Variants in SI observed in about 807,000 individuals in gnomAD.
SI encodes sucrase-isomaltase, also known as sucrase-isomaltase, intestinal.
Under a neutral mutation model 253.3 loss-of-function variants are expected in SI, and 235 were observed. The observed-to-expected ratio is 0.93, with a 90% CI of 0.83 to 1.03. The LOEUF (loss-of-function observed/expected upper bound fraction) is 1.03. SI is among the 50% of genes least tolerant of loss of function. The pLI is 0.00. For synonymous variants in SI, 819 were observed against 712.0 expected, an observed-to-expected ratio of 1.15 and a Z score of -2.39; for missense variants, 2,442 against 2,211.1, an observed-to-expected ratio of 1.10 and a Z score of -2.09.
At position 164,982,932 on chromosome 3, in the gene SI, T is replaced by G. The variant is rs1007964389; in HGVS notation, c.5247+70A>C. On this transcript the variant is annotated intron_variant, in intron 46 of 47. Transcript: ENST00000264382. The stretch of plus-strand genomic sequence containing the variant: ...TCCCAATGAACTAGGATTACAGGCA[T>G]GAGCCACCCCACCCAGCTGTGAACT... 3.5e-5 allele frequency: 51 copies of G among 1,454,780 alleles called. No homozygotes were observed. The Admixed American group carries it at 4.5e-4, about 13-fold the overall frequency. The allele number at this position is 1,454,780 out of a possible 1,614,324, so 90.1% of individuals were successfully genotyped here.
At position 165,067,468 on chromosome 3, in the gene SI, T is replaced by A. The variant is rs377165751; in HGVS notation, c.507A>T (p.Arg169Ser). The change falls in exon 6 of 48, where the codon AGA (arginine) becomes AGT (serine). Residue 169 changes from arginine (R) to serine (S), a missense_variant. Physicochemically the swap from Arg to Ser is moderately radical, Grantham distance 110. Transcript: ENST00000264382. ...RFKITDPNNR[R>S]YEVPHQYVKE... ...TTACATACTGATGAGGAACTTCATA[T>A]CTTCTATTATTTGGATCAGTAATCT... is the stretch of plus-strand genomic sequence containing the variant. The A allele has an allele frequency of 1.2e-6, 2 of 1,610,200 alleles. No homozygotes were observed. The highest frequency in any genetic ancestry group is 2.7e-5 in the African/African-American group (2 of 74,806).
In SI at chr3:165,006,210, G is replaced by A. The variant is rs978296317; in HGVS notation, c.4406+606C>T. ...TGCAACCTCTGCCGCCCAGGTCCAA[G>A]CGATTCTTGTGCCTCAGCCTCCCGA... is the stretch of plus-strand genomic sequence containing the variant. On this transcript the variant is annotated intron_variant, in intron 37 of 47. Coordinates refer to ENST00000264382, the MANE Select transcript of SI (RefSeq NM_001041.4). Among the ~76,000 whole-genome samples the A allele has an allele frequency of 4.7e-4, 72 of 152,286 alleles. 1 individual carries two copies. The highest frequency in any genetic ancestry group is 1.7e-3 in the African/African-American group (71 of 41,586).
chr3:165,072,871 A>T (rs1382190617), intron 3 of SI, among the ~76,000 whole-genome samples: 1 of 152,146 alleles, frequency 6.6e-6, no homozygotes, highest in Non-Finnish European at 1.5e-5. Flanking sequence ...CTAGTTAAAA[A>T]TGTCAAGAAA....
At chr3:165,051,044 A>G (rs1713400985) in intron 13 of SI, among the ~76,000 whole-genome samples, 1 of 152,090 alleles carries the variant, frequency 6.6e-6, no homozygotes, top group South Asian at 2.1e-4. Flanking sequence ...AATTTTTTAA[A>G]CACATGTAAT....
At chr3:164,985,486 T>G (rs1717392025) in intron 45 of SI, among the ~76,000 whole-genome samples, 1 of 152,178 alleles carries the variant, frequency 6.6e-6, no homozygotes, top group Admixed American at 6.6e-5. Context: ...TTCCCAAAAG[T>G]CTTGCTGTCT....
chr3:165,055,348 A>G (rs2108242443), intron 12 of SI, 41 bp from the exon 13 acceptor site: 1 of 1,027,160 alleles, frequency 9.7e-7, no homozygotes, highest in East Asian at 2.5e-5. Context: ...TAAAAAATAG[A>G]AAAATAAATA....
rs114299033 is a variant in SI at position 164,983,152 on chromosome 3, C to G, written c.5198-101G>C. The stretch of plus-strand genomic sequence containing the variant: ...TTCTCTTTCCCAGTATAAAAAGTAG[C>G]AAATATTATCAAGATGTACCTATTT... On this transcript the variant is annotated intron_variant, in intron 45 of 47. Coordinates refer to ENST00000264382, the MANE Select transcript of SI (RefSeq NM_001041.4). 4.1e-3 allele frequency: 4,566 copies of G among 1,113,914 alleles called. 138 individuals are homozygous for G. The African/African-American group carries it at 0.065, about 16-fold the overall frequency. 69.0% of individuals were successfully genotyped at this position (1,113,914 alleles called of 1,614,324 possible). A position where few individuals can be genotyped will look rare whatever the true frequency, so the allele number is the denominator to read the frequency against.
intron 34 of SI, 116 bp downstream of exon 34, chr3:165,012,864 T>A (rs1718833021): frequency 1.3e-6 from 1 of 779,420 alleles, no homozygotes; most frequent in African/African-American, 1.7e-5. Flanking sequence ...ATATCGATAA[T>A]TTAAAATGGC....
Position 165,032,376 on chromosome 3 carries a change from A to T in SI, c.2736+146T>A, listed in dbSNP as rs1296545269. Reference sequence around the variant, plus strand: ...TTGGAATATTGTTCAGAAAAAGTGAAGAAAAAAATGAAGGGAAGAAGGAAG... The same window carrying T: ...TTGGAATATTGTTCAGAAAAAGTGATGAAAAAAATGAAGGGAAGAAGGAAG... On this transcript the variant is annotated intron_variant, in intron 24 of 47. Transcript: ENST00000264382. 3.4e-5 allele frequency: 19 copies of T among 559,268 alleles called. No individual in the cohort carries two copies. In the East Asian group the frequency reaches 5.4e-4, roughly 16 times the overall value. The allele number at this position is 559,268 out of a possible 1,614,324, so 34.6% of individuals were successfully genotyped here.
intron 15 of SI, 95 bp from the exon 16 acceptor site, chr3:165,047,107 A>G (rs1052424551): frequency 1.9e-6 from 2 of 1,026,942 alleles, no homozygotes; most frequent in African/African-American, 1.6e-5. Flanking sequence ...GCCATGTGAT[A>G]TAGTTTGGCT....
chr3:165,032,510 G>A lies in SI; in HGVS notation c.2736+12C>T. 1.3e-6 allele frequency: 2 copies of A among 1,562,324 alleles called. No individual in the cohort carries two copies. The highest frequency in any genetic ancestry group is 1.8e-6 in the Non-Finnish European group (2 of 1,136,364). On this transcript the variant is annotated intron_variant, in intron 24 of 47. Transcript: ENST00000264382. ...ATATGATAGCTAAAATATTTTAAAA[G>A]ATTGTAATTACCTGGTTAGAAGCAT... is the stretch of plus-strand genomic sequence containing the variant.
chr3:165,024,075 G>A (rs2108189193), intron 25 of SI, among the ~76,000 whole-genome samples: 1 of 151,496 alleles, frequency 6.6e-6, no homozygotes, highest in Non-Finnish European at 1.5e-5. Flanking sequence ...GCAAAAGCAA[G>A]TATATTACTA....
At chr3:164,994,816 T>A (rs1401394736) in intron 40 of SI, among the ~76,000 whole-genome samples, 1 of 151,588 alleles carries the variant, frequency 6.6e-6, no homozygotes, top group Non-Finnish European at 1.5e-5. Context: ...ATGCACATTG[T>A]GGGTTCTCAG....
chr3:165,012,492 G>A (rs990220029), intron 34 of SI, among the ~76,000 whole-genome samples: 8 of 152,036 alleles, frequency 5.3e-5, no homozygotes, highest in Non-Finnish European at 8.8e-5. Flanking sequence ...GCAGTGGTGC[G>A]ATCTGGGCTC....
chr3:165,076,023 A>C lies in SI; in HGVS notation c.1-11T>G. 1 of 1,509,326 alleles carries C rather than the reference A, an allele frequency of 6.6e-7. No homozygotes were observed. The allele number at this position is 1,509,326 out of a possible 1,614,324, so 93.5% of individuals were successfully genotyped here. On this transcript the variant is annotated splice_polypyrimidine_tract_variant and intron_variant, in intron 1 of 47. Transcript: ENST00000264382. ...TTTCTTTCTTGCCATCTAAAAACAGAAAAGAATATATATTTAAAATGTAAA... is the reference window on the plus strand; with the variant it reads ...TTTCTTTCTTGCCATCTAAAAACAGCAAAGAATATATATTTAAAATGTAAA...
chr3:165,004,789 T>C (rs765984245), intron 37 of SI, among the ~76,000 whole-genome samples: 5 of 152,082 alleles, frequency 3.3e-5, no homozygotes, highest in Non-Finnish European at 5.9e-5. Flanking sequence ...AGAAGGATGG[T>C]TACCAGAAGC....
chr3:165,034,260 G>C (rs1712405038), intron 22 of SI, among the ~76,000 whole-genome samples: 1 of 151,714 alleles, frequency 6.6e-6, no homozygotes, highest in Non-Finnish European at 1.5e-5. Flanking sequence ...TAGCTACATA[G>C]GTATCATATT....
chr3:165,055,488 C>A (rs1330628396), intron 12 of SI, among the ~76,000 whole-genome samples, 181 bp from the exon 13 acceptor site: 1 of 151,284 alleles, frequency 6.6e-6, no homozygotes, highest in African/African-American at 2.4e-5. Flanking sequence ...TAAAGAAGAG[C>A]AGTTAAAAAA....
At chr3:165,015,928 C>G (rs1382191004) in intron 32 of SI, 24 bp downstream of exon 32, 1 of 1,592,558 alleles carries the variant, frequency 6.3e-7, no homozygotes, top group Admixed American at 1.7e-5. Flanking sequence ...AGAAATAAGA[C>G]TCAGGTAAAC....
Sources: gnomAD v4.1 joint callset for allele counts (sites outside exome capture counted in the v4.1 genomes callset) on GRCh38, gnomAD v4.1.1 for gene constraint, MANE v1.5 for transcripts, NCBI Gene and HGNC (gene_info 2026-07-23, HGNC 2026-07-21) for gene names.